The following LRRC7 variants were observed in gnomAD, a reference collection of about 807,000 sequenced individuals.
LRRC7 encodes the protein leucine-rich repeat-containing protein 7.
Under a neutral mutation model 175.7 loss-of-function variants are expected in LRRC7, and 23 were observed. The ratio of observed to expected loss-of-function variants is 0.13; its 90% confidence interval spans 0.09 to 0.19. The LOEUF is 0.19. LRRC7 is among the 10% of genes least tolerant of loss of function. The pLI is 1.00. For synonymous variants in LRRC7, 685 were observed against 680.9 expected, an observed-to-expected ratio of 1.01 and a Z score of -0.09; for missense variants, 1,354 against 1,904.7, an observed-to-expected ratio of 0.71 and a Z score of 5.38.
chr1:69,728,376 T>A (rs1667209136), intron 2 of LRRC7, among the ~76,000 whole-genome samples: 1 of 152,128 alleles, frequency 6.6e-6, no homozygotes, highest in African/African-American at 2.4e-5. Context: ...TCAAATTGCC[T>A]GGAGAATGCA....
intron 7 of LRRC7, among the ~76,000 whole-genome samples, chr1:69,905,734 T>C (rs1646285110): frequency 1.3e-5 from 2 of 152,222 alleles, no homozygotes; most frequent in East Asian, 1.9e-4. Flanking sequence ...GCATGTGTCT[T>C]TATAGCAGCA....
chr1:69,810,231 C>T (rs1204068071), intron 4 of LRRC7, among the ~76,000 whole-genome samples: 3 of 152,086 alleles, frequency 2.0e-5, no homozygotes, highest in African/African-American at 7.2e-5. Context: ...TGAAGGACCT[C>T]TTCAAGGAGA....
chr1:70,133,953 A>G lies in LRRC7; in HGVS notation c.*12066A>G, dbSNP rs1666773591. On this transcript the variant is annotated 3_prime_UTR_variant, in exon 27 of 27. Transcript: ENST00000651989. The stretch of plus-strand genomic sequence containing the variant: ...AACTTTCCAAAACTTAAACATCAGG[A>G]ACTGTGGTTAAGTTTGCCTAGCCTT... Among the ~76,000 whole-genome samples the G allele has an allele frequency of 6.6e-6, 1 of 152,180 alleles. No individual in the cohort carries two copies. Among genetic ancestry groups the G allele is most frequent in the Non-Finnish European group, 1.5e-5 (1 of 68,040 alleles).
intron 7 of LRRC7, among the ~76,000 whole-genome samples, chr1:69,887,933 G>C (rs1570511751): frequency 6.9e-6 from 1 of 144,070 alleles, no homozygotes; most frequent in Non-Finnish European, 1.5e-5. Context: ...GCTGCTCAGG[G>C]GTCAGGGGTC....
At chr1:69,891,195 G>C (rs12732462) in intron 7 of LRRC7, among the ~76,000 whole-genome samples, 61,512 of 152,006 alleles carry the variant, frequency 0.4, 13,394 homozygotes, top group East Asian at 0.55. Flanking sequence ...TCTAGCTTTT[G>C]ATTTAAAGTG....
intron 2 of LRRC7, among the ~76,000 whole-genome samples, chr1:69,703,952 G>A (rs71651424): frequency 0.079 from 11,941 of 151,872 alleles, 552 homozygotes; most frequent in East Asian, 0.14. Context: ...CTTATTTATA[G>A]GTGTTCTAGG....
intron 7 of LRRC7, among the ~76,000 whole-genome samples, chr1:69,925,724 A>C (rs1002804924): frequency 5.9e-5 from 9 of 151,836 alleles, no homozygotes; most frequent in African/African-American, 1.9e-4. Context: ...CGGTCTATCA[A>C]TTTTGTTGAT....
intron 7 of LRRC7, among the ~76,000 whole-genome samples, chr1:69,882,717 A>C: frequency 6.7e-6 from 1 of 149,418 alleles, no homozygotes; most frequent in African/African-American, 2.5e-5. Flanking sequence ...GCACCCACTA[A>C]CCCGTCATCT....
chr1:70,026,253 T>G (rs1658086530), intron 17 of LRRC7, among the ~76,000 whole-genome samples: 1 of 152,156 alleles, frequency 6.6e-6, no homozygotes, highest in Non-Finnish European at 1.5e-5. Flanking sequence ...TGCCCTACTT[T>G]AGCTTATTTT....
chr1:69,877,173 G>C (rs1431382803), intron 7 of LRRC7, among the ~76,000 whole-genome samples: 1 of 152,136 alleles, frequency 6.6e-6, no homozygotes, highest in Admixed American at 6.6e-5. Context: ...TTATTTTCTG[G>C]GCAATAGAGA....
chr1:70,044,183 C>T, intron 22 of LRRC7, 89 bp downstream of exon 22: 1 of 1,387,062 alleles, frequency 7.2e-7, no homozygotes, highest in Admixed American at 1.9e-5. Flanking sequence ...TACATACAAC[C>T]CTGCTTACTA....
At chr1:70,025,833 G>C (rs531784379) in intron 17 of LRRC7, among the ~76,000 whole-genome samples, 25 of 105,120 alleles carry the variant, frequency 2.4e-4, no homozygotes, top group Non-Finnish European at 3.4e-4. Flanking sequence ...TCAATTTAAG[G>C]GGGGGGGGGT....
rs528171137 is a variant in LRRC7, at chr1:69,696,703, G to A, written c.100+18225G>A. Among the ~76,000 whole-genome samples the A allele has an allele frequency of 7.2e-5, 11 of 152,254 alleles. No homozygotes were observed. The South Asian group carries it at 8.3e-4, about 11-fold the overall frequency. ...CCTCATGAGGCTTGGTGCTGTCCTC[G>A]TGATAATGCGTGAGTTCCTGCTCTG... On this transcript the variant is annotated intron_variant, in intron 2 of 26. Coordinates refer to ENST00000651989, the MANE Select transcript of LRRC7 (RefSeq NM_001370785.2).
chr1:69,627,491 T>C (rs1651788790), intron 1 of LRRC7, among the ~76,000 whole-genome samples: 1 of 152,176 alleles, frequency 6.6e-6, no homozygotes, highest in Non-Finnish European at 1.5e-5. Flanking sequence ...GTCAGATGGG[T>C]AGATTGCAAA....
At chr1:69,951,516 T>G (rs1366925161) in intron 8 of LRRC7, among the ~76,000 whole-genome samples, 1 of 151,864 alleles carries the variant, frequency 6.6e-6, no homozygotes, top group Non-Finnish European at 1.5e-5. Flanking sequence ...CAGTTCACAA[T>G]AGCAAAGGCA....
Position 70,124,930 on chromosome 1 carries a change from A to G in LRRC7, c.*3043A>G, listed in dbSNP as rs1241332093. ...ACTGAGAAACATTAGAGGTAGAAAG[A>G]GCAAGTGATGAAAATTACTAGTAAA... On this transcript the variant is annotated 3_prime_UTR_variant, in exon 27 of 27. Coordinates refer to ENST00000651989, the MANE Select transcript of LRRC7 (RefSeq NM_001370785.2). Among the ~76,000 whole-genome samples the G allele has an allele frequency of 6.6e-6, 1 of 152,224 alleles. No homozygotes were observed. Among genetic ancestry groups the G allele is most frequent in the Non-Finnish European group, 1.5e-5 (1 of 68,040 alleles).
chr1:69,733,259 C>T (rs191190663), intron 2 of LRRC7, among the ~76,000 whole-genome samples: 185 of 152,050 alleles, frequency 1.2e-3, no homozygotes, highest in African/African-American at 4.0e-3. Flanking sequence ...GGCAAGATTC[C>T]TGATGATACT....
At chr1:70,020,817 A>G (rs1657407332) in intron 15 of LRRC7, 188 bp from the exon 16 acceptor site, 1 of 384,564 alleles carries the variant, frequency 2.6e-6, no homozygotes. Context: ...ATTACAAAAG[A>G]CCATGTAATA....
chr1:69,771,183 T>G (rs1207176091), intron 3 of LRRC7, among the ~76,000 whole-genome samples: 1 of 152,208 alleles, frequency 6.6e-6, no homozygotes, highest in Non-Finnish European at 1.5e-5. Flanking sequence ...ATTTTGGCAT[T>G]TAAATGAATG....
Sources: allele counts gnomAD v4.1 joint callset (sites outside exome capture counted in the v4.1 genomes callset), GRCh38; gene constraint gnomAD v4.1.1; transcripts MANE v1.5; gene names NCBI Gene and HGNC (gene_info 2026-07-23, HGNC 2026-07-21).